The following TRPC4AP variants were observed in gnomAD, a reference collection of about 807,000 sequenced individuals.
TRPC4AP encodes transient receptor potential cation channel subfamily C member 4 associated protein, also known as short transient receptor potential channel 4-associated protein.
In TRPC4AP, 45 loss-of-function variants were observed where a neutral mutation model predicts 99.0. That is an observed-to-expected ratio of 0.45 (90% confidence interval 0.36 to 0.58). TRPC4AP has a LOEUF of 0.58. TRPC4AP is among the 20% of genes least tolerant of loss of function. The pLI is 0.00. For missense variants in TRPC4AP, 879 were observed against 985.3 expected (o/e 0.89, Z 1.44); for synonymous variants, 408 against 385.8 (o/e 1.06, Z -0.67).
intron 1 of TRPC4AP, among the ~76,000 whole-genome samples, chr20:35,086,533 G>GTATATATATGTGTATATATATA (rs1308760481): frequency 1.2e-4 from 9 of 73,484 alleles, no homozygotes; most frequent in African/African-American, 2.2e-4. Context: ...ATATGTGTGT[G>GTATATATATGTGTATATATATA]TGTGTGTGTG....
Position 35,021,283 on chromosome 20 carries a change from C to A in TRPC4AP, c.1125G>T (p.Leu375=), listed in dbSNP as rs751429283. The change falls in exon 9 of 19, where the codon CTG becomes CTT. Residue 375 remains leucine, a synonymous_variant. Transcript: ENST00000252015. ...GLPHTSARTQ[L]PQSMKIMHEI... ...CATGCATAATCTTCATTGACTGGGGCAGCTGGGTTCTGGCTGACGTGTGAG... is the reference window on the plus strand; with the variant it reads ...CATGCATAATCTTCATTGACTGGGGAAGCTGGGTTCTGGCTGACGTGTGAG... 7.4e-6 allele frequency: 12 copies of A among 1,614,186 alleles called. No individual in the cohort carries two copies. In the South Asian group the frequency reaches 1.3e-4, roughly 18 times the overall value.
intron 1 of TRPC4AP, among the ~76,000 whole-genome samples, chr20:35,085,064 T>C (rs985476916): frequency 2.0e-5 from 3 of 152,190 alleles, no homozygotes; most frequent in Admixed American, 6.5e-5. Flanking sequence ...GAAACAGCTT[T>C]ATAACCATGT....
At chr20:35,062,777 G>A (rs2084039910) in intron 3 of TRPC4AP, among the ~76,000 whole-genome samples, 1 of 151,878 alleles carries the variant, frequency 6.6e-6, no homozygotes, top group Non-Finnish European at 1.5e-5. Context: ...TGGTGACAGT[G>A]GTATATAACT....
chr20:35,027,136 T>C (rs1472337762), intron 8 of TRPC4AP, among the ~76,000 whole-genome samples: 2 of 152,180 alleles, frequency 1.3e-5, no homozygotes, highest in East Asian at 3.8e-4. Flanking sequence ...ACTCGTCTTG[T>C]TCCTGATCTT....
intron 2 of TRPC4AP, among the ~76,000 whole-genome samples, chr20:35,071,386 C>CTCG (rs1468067838): frequency 2.0e-5 from 3 of 151,764 alleles, no homozygotes; most frequent in Admixed American, 6.6e-5. Flanking sequence ...TACCCATTAA[C>CTCG]TCGTCATTTA....
intron 9 of TRPC4AP, among the ~76,000 whole-genome samples, chr20:35,018,198 G>A (rs932157862): frequency 6.6e-6 from 1 of 152,166 alleles, no homozygotes; most frequent in Non-Finnish European, 1.5e-5. Context: ...GGGAAGAGAG[G>A]GGCCTTCTAA....
At chr20:35,034,204 C>G (rs1259208134) in intron 8 of TRPC4AP, among the ~76,000 whole-genome samples, 1 of 150,390 alleles carries the variant, frequency 6.6e-6, no homozygotes, top group East Asian at 2.0e-4. Flanking sequence ...AGAGGTACCT[C>G]TTTTTATTTG....
At chr20:35,063,244 C>T (rs2084054282) in intron 3 of TRPC4AP, among the ~76,000 whole-genome samples, 1 of 152,202 alleles carries the variant, frequency 6.6e-6, no homozygotes, top group African/African-American at 2.4e-5. Flanking sequence ...TTTCCTGAGG[C>T]CTCCCAGGCC....
At chr20:35,057,004 T>C (rs992045397) in intron 4 of TRPC4AP, among the ~76,000 whole-genome samples, 21 of 69,878 alleles carry the variant, frequency 3.0e-4, no homozygotes, top group Non-Finnish European at 4.1e-4. Context: ...AAAAATTGAA[T>C]ACCTAAAAAG....
At position 35,003,132 on chromosome 20, in the gene TRPC4AP, G is replaced by A. The variant is rs778834984; in HGVS notation, c.*14C>T. ...CCACACTGGCCCAGCAGCCTCCCGA[G>A]GCCTGGCCCAAGGTCACTCCTCAGT... On this transcript the variant is annotated 3_prime_UTR_variant, in exon 19 of 19. Coordinates refer to ENST00000252015, the MANE Select transcript of TRPC4AP (RefSeq NM_015638.3). The A allele has an allele frequency of 6.2e-7, 1 of 1,613,758 alleles. No individual in the cohort carries two copies. The highest frequency in any genetic ancestry group is 1.3e-5 in the African/African-American group (1 of 74,938).
intron 2 of TRPC4AP, among the ~76,000 whole-genome samples, 197 bp from the exon 3 acceptor site, chr20:35,069,609 CAACT>C (rs1569141206): frequency 1.3e-5 from 2 of 152,104 alleles, no homozygotes. Context: ...TGACACACCT[CAACT>C]AACAGCATGT....
At chr20:35,005,846 C>A in intron 15 of TRPC4AP, 43 bp from the exon 16 acceptor site, 2 of 1,573,424 alleles carry the variant, frequency 1.3e-6, no homozygotes, top group Non-Finnish European at 1.7e-6. Context: ...GGCTGCTGGC[C>A]AGGTATGGCC....
intron 3 of TRPC4AP, among the ~76,000 whole-genome samples, chr20:35,059,938 A>C (rs1014935227): frequency 1.3e-4 from 15 of 113,454 alleles, no homozygotes; most frequent in African/African-American, 6.4e-4. Context: ...AAGAAGACGA[A>C]GAAGAAGAAA....
chr20:35,005,893 C>T (rs755222595), intron 15 of TRPC4AP, 90 bp from the exon 16 acceptor site: 81 of 1,115,366 alleles, frequency 7.3e-5, no homozygotes, highest in Non-Finnish European at 9.6e-5. Flanking sequence ...GGGGCATCAG[C>T]GACCTCTACC....
chr20:35,042,621 TAAC>T (rs1164063333), intron 7 of TRPC4AP, among the ~76,000 whole-genome samples: 3 of 152,222 alleles, frequency 2.0e-5, no homozygotes, highest in Non-Finnish European at 4.4e-5. Context: ...GTTTTTGTAT[TAAC>T]AATATTTCCA....
At chr20:35,090,101 C>CAAA (rs11478429) in intron 1 of TRPC4AP, among the ~76,000 whole-genome samples, 1 of 131,712 alleles carries the variant, frequency 7.6e-6, no homozygotes. Context: ...GATTCTGTCT[C>CAAA]AAAAAAAAAA....
intron 3 of TRPC4AP, among the ~76,000 whole-genome samples, chr20:35,057,986 T>C (rs975845385): frequency 2.0e-5 from 3 of 152,214 alleles, no homozygotes; most frequent in Non-Finnish European, 4.4e-5. Flanking sequence ...TTGGGGGTTA[T>C]ATGCATGTGT....
chr20:35,031,910 G>C (rs1302630484), intron 8 of TRPC4AP, among the ~76,000 whole-genome samples: 1 of 150,342 alleles, frequency 6.7e-6, no homozygotes, highest in East Asian at 1.9e-4. Flanking sequence ...AGTTTTTTTT[G>C]AGACAAAGTC....
intron 7 of TRPC4AP, among the ~76,000 whole-genome samples, chr20:35,038,293 AT>A (rs1671192524): frequency 2.0e-5 from 3 of 150,364 alleles, no homozygotes; most frequent in Non-Finnish European, 4.4e-5. Context: ...TTTTTTTAAC[AT>A]ATCAGCTTGG....
Sources: allele counts gnomAD v4.1 joint callset (sites outside exome capture counted in the v4.1 genomes callset), GRCh38; gene constraint gnomAD v4.1.1; transcripts MANE v1.5; gene names NCBI Gene and HGNC (gene_info 2026-07-23, HGNC 2026-07-21).